PIP5K1A: variants seen among roughly 807,000 people sequenced by gnomAD.
PIP5K1A encodes the protein phosphatidylinositol 4-phosphate 5-kinase type-1 alpha.
In PIP5K1A, 46 loss-of-function variants were observed where a neutral mutation model predicts 72.9. The observed-to-expected ratio is 0.63, with a 90% CI of 0.50 to 0.81. The LOEUF is 0.81. Ranked by LOEUF, PIP5K1A falls within the 30% of genes least tolerant of loss-of-function variation. The pLI is 0.00. For missense variants in PIP5K1A, 458 were observed against 706.1 expected (o/e 0.65, Z 3.98); for synonymous variants, 228 against 255.1 (o/e 0.89, Z 1.01).
intron 4 of PIP5K1A, among the ~76,000 whole-genome samples, chr1:151,231,068 G>C (rs1428678501): frequency 6.6e-6 from 1 of 152,118 alleles, no homozygotes; most frequent in African/African-American, 2.4e-5. Flanking sequence ...TAAGCAAGGT[G>C]TCGTGGTGCA....
At chr1:151,224,900 C>T (rs1171432978) in intron 3 of PIP5K1A, among the ~76,000 whole-genome samples, 2 of 152,124 alleles carry the variant, frequency 1.3e-5, no homozygotes, top group African/African-American at 4.8e-5. Flanking sequence ...TGAAAGGGGC[C>T]TCAGAATGCA....
chr1:151,225,771 CTT>C (rs1689032863), intron 3 of PIP5K1A, among the ~76,000 whole-genome samples: 1 of 151,108 alleles, frequency 6.6e-6, no homozygotes, highest in Admixed American at 6.6e-5. Context: ...CGCCTGGCCT[CTT>C]TTCTTTTTTC....
chr1:151,229,169 A>AAG (rs1689627856), intron 4 of PIP5K1A, among the ~76,000 whole-genome samples: 1 of 129,118 alleles, frequency 7.7e-6, no homozygotes, highest in Non-Finnish European at 1.6e-5. Context: ...CCCCGTCTCA[A>AAG]AAAAAAAAAA....
rs185961416 is a variant in PIP5K1A, at chr1:151,232,655, A to G, written c.591A>G (p.Gln197=). ...SDDEFIIKTV[Q]HKEAEFLQKL... ...ATGAGTTCATTATTAAGACAGTCCA[A>G]CATAAAGAGGCGGAATTTCTGCAGA... The change falls in exon 7 of 16, where the codon CAA becomes CAG. Residue 197 remains glutamine, a synonymous_variant. Transcript: ENST00000368888. The G allele has an allele frequency of 5.3e-5, 85 of 1,613,710 alleles. No individual in the cohort carries two copies. The East Asian group carries it at 1.1e-3, about 20-fold the overall frequency.
chr1:151,237,245 T>G (rs1691021572), intron 9 of PIP5K1A, among the ~76,000 whole-genome samples: 1 of 152,240 alleles, frequency 6.6e-6, no homozygotes, highest in African/African-American at 2.4e-5. Context: ...GAACGAGCTT[T>G]CTTAATACAA....
intron 3 of PIP5K1A, among the ~76,000 whole-genome samples, chr1:151,226,426 C>A (rs587657315): frequency 1.3e-5 from 2 of 152,084 alleles, no homozygotes; most frequent in African/African-American, 4.8e-5. Flanking sequence ...AAATACTCAC[C>A]TTTGGTTGGG....
intron 1 of PIP5K1A, among the ~76,000 whole-genome samples, chr1:151,201,829 T>G (rs899622591): frequency 1.3e-5 from 2 of 151,918 alleles, no homozygotes; most frequent in Admixed American, 6.6e-5. Flanking sequence ...ACCACTGCAC[T>G]CCAGTCTGGG....
chr1:151,242,938 G>C (rs1327735295), intron 14 of PIP5K1A, among the ~76,000 whole-genome samples: 2 of 152,222 alleles, frequency 1.3e-5, no homozygotes, highest in Non-Finnish European at 2.9e-5. Flanking sequence ...TCAGTTCTTT[G>C]CTACATGGAC....
At position 151,219,049 on chromosome 1, in the gene PIP5K1A, G is replaced by A. The variant is rs375545461; in HGVS notation, c.86-5196G>A. ...TCTGAATGATTTTGTTCTAATATAA[G>A]TGGTTTATTGATTTGTAATAAGTGG... On this transcript the variant is annotated intron_variant, in intron 1 of 15. Coordinates refer to ENST00000368888, the MANE Select transcript of PIP5K1A (RefSeq NM_001135638.2). Among the ~76,000 whole-genome samples, 17 of 152,140 alleles carry A rather than the reference G, an allele frequency of 1.1e-4. No individual in the cohort carries two copies. The East Asian group carries it at 3.1e-3, about 28-fold the overall frequency.
At chr1:151,206,860 C>T (rs1433268180) in intron 1 of PIP5K1A, among the ~76,000 whole-genome samples, 2 of 151,882 alleles carry the variant, frequency 1.3e-5, no homozygotes, top group South Asian at 2.1e-4. Context: ...GCCACCTTCC[C>T]GGCTATTTTT....
upstream of PIP5K1A, chr1:151,198,240 T>TTGAC: frequency 5.3e-6 from 2 of 380,878 alleles, no homozygotes; most frequent in Non-Finnish European, 5.3e-6. Context: ...CGTCTCTGAC[T>TTGAC]TGACACCAGT....
chr1:151,211,507 A>G (rs1277118705), intron 1 of PIP5K1A, among the ~76,000 whole-genome samples: 2 of 150,198 alleles, frequency 1.3e-5, no homozygotes, highest in East Asian at 2.0e-4. Flanking sequence ...CTTAAAAGAT[A>G]TTTTGTTGGC....
At chr1:151,220,182 T>G (rs1449069327) in intron 1 of PIP5K1A, among the ~76,000 whole-genome samples, 1 of 151,804 alleles carries the variant, frequency 6.6e-6, no homozygotes, top group Non-Finnish European at 1.5e-5. Context: ...TTTTTTGTAT[T>G]TTTAGTAGAG....
intron 1 of PIP5K1A, chr1:151,216,059 C>CA (rs1687552296): frequency 2.2e-6 from 2 of 890,670 alleles, no homozygotes; most frequent in South Asian, 2.7e-5. Context: ...AACTAGCAGC[C>CA]AATTCCTCTT....
Position 151,231,679 on chromosome 1 carries a change from A to G in PIP5K1A, c.246A>G (p.Ser82=). 6.2e-7 allele frequency: 1 copy of G among 1,613,942 alleles called. No individual in the cohort carries two copies. Among genetic ancestry groups the G allele is most frequent in the Non-Finnish European group, 8.5e-7 (1 of 1,179,836 alleles). ...TTTCTCTTGTTTCTCAGACAACCTC[A>G]TCAGCCTTGAAAGGTGCCATCCAGT... ...SGETTYKKTT[S]SALKGAIQLG... Residue 82 remains serine, a synonymous_variant, in exon 5 of 16, where the codon TCA becomes TCG. Coordinates refer to ENST00000368888, the MANE Select transcript of PIP5K1A (RefSeq NM_001135638.2).
intron 14 of PIP5K1A, among the ~76,000 whole-genome samples, chr1:151,243,512 A>T (rs1334297432): frequency 6.6e-6 from 1 of 152,244 alleles, no homozygotes; most frequent in Non-Finnish European, 1.5e-5. Context: ...AAAAGGAGTC[A>T]TTGATTTTAT....
chr1:151,244,147 G>GA (rs200284026), intron 14 of PIP5K1A, among the ~76,000 whole-genome samples: 689 of 60,974 alleles, frequency 0.011, 7 homozygotes, highest in African/African-American at 0.035. Context: ...CCATCCCTTT[G>GA]AAAAAAAAAA....
At chr1:151,213,821 T>A (rs1687202505) in intron 1 of PIP5K1A, among the ~76,000 whole-genome samples, 1 of 152,096 alleles carries the variant, frequency 6.6e-6, no homozygotes. Flanking sequence ...GCAAAGAAAA[T>A]GACAGTAAAG....
chr1:151,212,732 G>A (rs587690625), intron 1 of PIP5K1A, among the ~76,000 whole-genome samples: 1 of 151,524 alleles, frequency 6.6e-6, no homozygotes, highest in African/African-American at 2.4e-5. Context: ...ACGCCACCAC[G>A]CCTAGCCAAT....
Sources: gnomAD v4.1 joint callset for allele counts (sites outside exome capture counted in the v4.1 genomes callset) on GRCh38, gnomAD v4.1.1 for gene constraint, MANE v1.5 for transcripts, NCBI Gene and HGNC (gene_info 2026-07-23, HGNC 2026-07-21) for gene names.